Variants in ANKH observed in about 807,000 individuals in gnomAD.
ANKH encodes the protein ANKH inorganic pyrophosphate transport regulator.
ANKH carries 15 observed loss-of-function variants against 49.0 expected under a neutral mutation model. The ratio of observed to expected loss-of-function variants is 0.31; its 90% CI spans 0.20 to 0.47. ANKH has a LOEUF of 0.47. Among genes scored for constraint, ANKH ranks in the 20% least tolerant of loss-of-function variants. The pLI is 1.00. For synonymous variants in ANKH, 273 were observed against 260.0 expected (o/e 1.05, Z -0.48); for missense variants, 429 against 652.0 (o/e 0.66, Z 3.72).
chr5:14,762,304 G>A (rs1739112942), intron 2 of ANKH, among the ~76,000 whole-genome samples: 1 of 152,228 alleles, frequency 6.6e-6, no homozygotes, highest in Admixed American at 6.5e-5. Flanking sequence ...TCTAAGGACT[G>A]CTGGGGCGTT....
chr5:14,828,518 G>A (rs10051404), intron 1 of ANKH, among the ~76,000 whole-genome samples: 2,281 of 152,118 alleles, frequency 0.015, 48 homozygotes, highest in African/African-American at 0.053. Context: ...CAGAGACTCC[G>A]TCTCAAAAAC....
chr5:14,733,499 CAG>C (rs1738070115), intron 8 of ANKH, among the ~76,000 whole-genome samples: 1 of 152,166 alleles, frequency 6.6e-6, no homozygotes, highest in African/African-American at 2.4e-5. Context: ...CTCCTGTGCC[CAG>C]AGTGTTTTTT....
chr5:14,816,786 C>T (rs1050668679), intron 1 of ANKH, among the ~76,000 whole-genome samples: 4 of 152,110 alleles, frequency 2.6e-5, no homozygotes, highest in Admixed American at 6.5e-5. Flanking sequence ...GGACAGTCAA[C>T]ACTGCAAGCC....
intron 7 of ANKH, among the ~76,000 whole-genome samples, chr5:14,742,200 T>A (rs1738383553): frequency 6.6e-6 from 1 of 152,176 alleles, no homozygotes; most frequent in Admixed American, 6.5e-5. Flanking sequence ...TCTTGCCCAG[T>A]CCTGGGGCTT....
At chr5:14,862,779 G>A (rs968263217) in intron 1 of ANKH, among the ~76,000 whole-genome samples, 1 of 152,316 alleles carries the variant, frequency 6.6e-6, no homozygotes, top group South Asian at 2.1e-4. Flanking sequence ...TAAACAATTT[G>A]AGGGCAGGGG....
At chr5:14,849,498 C>G (rs1742065360) in intron 1 of ANKH, among the ~76,000 whole-genome samples, 1 of 152,166 alleles carries the variant, frequency 6.6e-6, no homozygotes, top group Admixed American at 6.5e-5. Context: ...GTGAGCTCAA[C>G]AGACAATACT....
intron 1 of ANKH, among the ~76,000 whole-genome samples, chr5:14,839,628 C>T (rs1741761264): frequency 6.6e-6 from 1 of 152,050 alleles, no homozygotes; most frequent in Non-Finnish European, 1.5e-5. Flanking sequence ...CTCATGTTAC[C>T]TTCAGACTGA....
intron 8 of ANKH, among the ~76,000 whole-genome samples, chr5:14,740,070 G>A (rs1193513811): frequency 6.6e-6 from 1 of 152,108 alleles, no homozygotes; most frequent in Non-Finnish European, 1.5e-5. Flanking sequence ...AGCCCAATCC[G>A]GTAAAGCTCT....
chr5:14,717,190 C>A, intron 8 of ANKH: 1 of 299,100 alleles, frequency 3.3e-6, no homozygotes, highest in Non-Finnish European at 6.6e-6. Flanking sequence ...TCCACGTGGA[C>A]ATGTTTATTC....
chr5:14,761,763 CT>C (rs35602674), intron 2 of ANKH, among the ~76,000 whole-genome samples: 51,180 of 146,216 alleles, frequency 0.35, 9,940 homozygotes, highest in African/African-American at 0.55. Flanking sequence ...CCCCTTTTGC[CT>C]TTTTTTTTTT....
intron 8 of ANKH, among the ~76,000 whole-genome samples, chr5:14,717,652 A>C (rs150619945): frequency 4.6e-4 from 70 of 152,350 alleles, no homozygotes; most frequent in African/African-American, 1.5e-3. Context: ...ACAGGAGGTT[A>C]GTCTCTGGAT....
At chr5:14,795,085 T>C (rs1740331843) in intron 1 of ANKH, among the ~76,000 whole-genome samples, 1 of 152,178 alleles carries the variant, frequency 6.6e-6, no homozygotes, top group African/African-American at 2.4e-5. Context: ...ATCTCACTCA[T>C]CACACATCAT....
At chr5:14,765,421 G>C (rs1739228605) in intron 2 of ANKH, among the ~76,000 whole-genome samples, 4 of 152,108 alleles carry the variant, frequency 2.6e-5, no homozygotes, top group Non-Finnish European at 5.9e-5. Context: ...CACAAGGTTT[G>C]CCTGGGTGGG....
rs564970661 is a variant in ANKH at position 14,863,501 on chromosome 5, G to A, written c.96+7851C>T. On this transcript the variant is annotated intron_variant, in intron 1 of 11. Coordinates refer to ENST00000284268, the MANE Select transcript of ANKH (RefSeq NM_054027.6). ...AACCCTAGTTCTCATACTAAAAAAA[G>A]GAAAAACCCAGTGACTTCCACTTTG... Among the ~76,000 whole-genome samples the A allele has an allele frequency of 2.6e-5, 4 of 152,226 alleles. No individual in the cohort carries two copies. In the South Asian group the frequency reaches 8.3e-4, roughly 32 times the overall value.
rs149379525 is a variant in ANKH, at chr5:14,758,373, C to T, written c.432+107G>A. On this transcript the variant is annotated intron_variant, in intron 3 of 11. Transcript: ENST00000284268. ...ACAATAATGTGAATGTACTTCCTGC[C>T]ATTAAGCTGTACACACAAAAATAGC... The T allele has an allele frequency of 7.2e-6, 6 of 827,940 alleles. No individual in the cohort carries two copies. In the East Asian group the frequency reaches 8.0e-5, roughly 11 times the overall value. 51.3% of individuals were successfully genotyped at this position (827,940 alleles called of 1,614,324 possible).
intron 1 of ANKH, among the ~76,000 whole-genome samples, chr5:14,858,454 C>T (rs575685148): frequency 6.0e-4 from 91 of 152,250 alleles, no homozygotes; most frequent in African/African-American, 2.0e-3. Flanking sequence ...TGGTGGCTCT[C>T]GCCTGTAATC....
chr5:14,845,211 G>A lies in ANKH; in HGVS notation c.96+26141C>T, dbSNP rs573726365. ...ATTGTTTGATCTCTTTATTTAACGA[G>A]TATATATGTTAAGAGTCTAGCTTGG... On this transcript the variant is annotated intron_variant, in intron 1 of 11. Transcript: ENST00000284268. 7.9e-5 allele frequency among the ~76,000 whole-genome samples: 12 copies of A among 152,120 alleles called. No individual in the cohort carries two copies. The East Asian group carries it at 2.1e-3, about 27-fold the overall frequency.
In ANKH at chr5:14,843,026, G is replaced by T. The variant is rs1741856619; in HGVS notation, c.96+28326C>A. ...GTTTTGAGAGCTTCAAGGTAAGAGGGTCTCAAATTGTGGCTAGATGCCCAG... is the reference window on the plus strand; with the variant it reads ...GTTTTGAGAGCTTCAAGGTAAGAGGTTCTCAAATTGTGGCTAGATGCCCAG... On this transcript the variant is annotated intron_variant, in intron 1 of 11. Transcript: ENST00000284268. 3.9e-5 allele frequency among the ~76,000 whole-genome samples: 6 copies of T among 152,242 alleles called. 1 individual carries two copies. In the South Asian group the frequency reaches 1.2e-3, roughly 32 times the overall value.
At chr5:14,750,451 C>T (rs1484900623) in intron 5 of ANKH, among the ~76,000 whole-genome samples, 5 of 152,172 alleles carry the variant, frequency 3.3e-5, no homozygotes, top group Admixed American at 6.5e-5. Context: ...TCCCAGTGTT[C>T]GTGGCTCCTA....
Sources: gnomAD v4.1 joint callset for allele counts (sites outside exome capture counted in the v4.1 genomes callset) on GRCh38, gnomAD v4.1.1 for gene constraint, MANE v1.5 for transcripts, NCBI Gene and HGNC (gene_info 2026-07-23, HGNC 2026-07-21) for gene names.